PIGU: variants seen among roughly 807,000 people sequenced by gnomAD.
PIGU encodes GPI-anchor transamidase component PIGU.
A neutral mutation model predicts 49.9 loss-of-function variants in PIGU; 24 were observed. That is an observed-to-expected ratio of 0.48 (90% CI 0.35 to 0.68). PIGU has a LOEUF of 0.68. Ranked by LOEUF, PIGU falls within the 30% of genes least tolerant of loss-of-function variation. PIGU has a pLI of 0.01. For synonymous variants in PIGU, 220 were observed against 205.7 expected (o/e 1.07, Z -0.59); for missense variants, 490 against 532.6 (o/e 0.92, Z 0.79).
intron 7 of PIGU, among the ~76,000 whole-genome samples, chr20:34,602,782 TCG>T (rs758466714): frequency 4.6e-5 from 7 of 152,108 alleles, no homozygotes; most frequent in Non-Finnish European, 1.0e-4. Flanking sequence ...ACTACCAAGG[TCG>T]AGAGAAAGAA....
At chr20:34,561,095 C>G (rs1199949001) in intron 11 of PIGU, 116 bp from the exon 12 acceptor site, 9 of 704,836 alleles carry the variant, frequency 1.3e-5, no homozygotes, top group Admixed American at 2.6e-5. Flanking sequence ...GGCTCTGGAT[C>G]ACAATCACTG....
At chr20:34,579,578 A>T (rs1030378808) in intron 10 of PIGU, among the ~76,000 whole-genome samples, 6 of 152,212 alleles carry the variant, frequency 3.9e-5, no homozygotes, top group Admixed American at 1.3e-4. Context: ...ATAATGATTC[A>T]CAGTTGTCAA....
At chr20:34,665,227 T>G (rs868004743) in intron 1 of PIGU, among the ~76,000 whole-genome samples, 1,004 of 99,146 alleles carry the variant, frequency 0.01, 29 homozygotes, top group African/African-American at 0.033. Flanking sequence ...TTTTTGAGAC[T>G]GAGTCTCGCT....
chr20:34,621,152 T>C (rs1317347165), intron 6 of PIGU, among the ~76,000 whole-genome samples: 1 of 152,156 alleles, frequency 6.6e-6, no homozygotes, highest in Non-Finnish European at 1.5e-5. Flanking sequence ...ATCTTAACTT[T>C]GGCTCTCCAG....
intron 7 of PIGU, among the ~76,000 whole-genome samples, chr20:34,607,535 C>G (rs1984662151): frequency 6.6e-6 from 1 of 152,180 alleles, no homozygotes; most frequent in African/African-American, 2.4e-5. Context: ...GCTCTCCATC[C>G]CATTGACAGC....
At chr20:34,577,973 G>C (rs1983307639) in intron 10 of PIGU, among the ~76,000 whole-genome samples, 1 of 152,158 alleles carries the variant, frequency 6.6e-6, no homozygotes, top group Non-Finnish European at 1.5e-5. Flanking sequence ...TTGTAAAGCT[G>C]AATGTTTTCA....
At chr20:34,619,893 G>C (rs918059564) in intron 6 of PIGU, among the ~76,000 whole-genome samples, 4 of 152,156 alleles carry the variant, frequency 2.6e-5, no homozygotes, top group African/African-American at 9.7e-5. Context: ...CATCTAGCCA[G>C]ATACCCTGGC....
intron 11 of PIGU, among the ~76,000 whole-genome samples, chr20:34,566,795 C>A (rs1488005494): frequency 6.6e-6 from 1 of 152,182 alleles, no homozygotes; most frequent in Non-Finnish European, 1.5e-5. Context: ...AGGGTCTGCA[C>A]CCACATGAAC....
At chr20:34,599,468 A>T (rs1385373298) in intron 7 of PIGU, among the ~76,000 whole-genome samples, 1 of 152,044 alleles carries the variant, frequency 6.6e-6, no homozygotes, top group Non-Finnish European at 1.5e-5. Flanking sequence ...AAAAAAATCC[A>T]AGCTGTTTCT....
At chr20:34,584,493 C>CA (rs1983613710) in intron 9 of PIGU, among the ~76,000 whole-genome samples, 1 of 148,800 alleles carries the variant, frequency 6.7e-6, no homozygotes, top group Non-Finnish European at 1.5e-5. Flanking sequence ...CTCCCCTCCA[C>CA]AACTCCTGTT....
In PIGU at chr20:34,616,125, T is replaced by A; in HGVS notation, c.544A>T (p.Ser182Cys). 6.2e-7 allele frequency: 1 copy of A among 1,612,610 alleles called. No individual in the cohort carries two copies. Among genetic ancestry groups the A allele is most frequent in the Non-Finnish European group, 8.5e-7 (1 of 1,179,434 alleles). ...LTTIKGSAFL[S>C]AIFLALATYQ... Reference sequence around the variant, plus strand: ...GTCGCTAAGGCAAGAAAAATAGCACTGAGGAAAGCACTGCCTGTAAAAAGA... The same window carrying A: ...GTCGCTAAGGCAAGAAAAATAGCACAGAGGAAAGCACTGCCTGTAAAAAGA... The change falls in exon 7 of 12, where the codon AGT becomes TGT. Residue 182 changes from serine (S) to cysteine (C), a missense_variant. Coordinates refer to ENST00000217446, the MANE Select transcript of PIGU (RefSeq NM_080476.5).
intron 7 of PIGU, among the ~76,000 whole-genome samples, chr20:34,596,438 T>A (rs1337085780): frequency 6.6e-6 from 1 of 152,200 alleles, no homozygotes; most frequent in African/African-American, 2.4e-5. Flanking sequence ...TAATGCTGCA[T>A]AAATATCAAT....
intron 11 of PIGU, among the ~76,000 whole-genome samples, chr20:34,569,824 CTTCTTGGTGCTGGGGAT>C: frequency 6.6e-6 from 1 of 152,296 alleles, no homozygotes; most frequent in South Asian, 2.1e-4. Context: ...ACTGAATATT[CTTCTTGGTGCTGGGGAT>C]ACAGCCATGA....
Position 34,608,293 on chromosome 20 carries a change from G to A in PIGU, c.627+7749C>T, listed in dbSNP as rs117799856. ...TTCACCATGTTGTCCAGGCTGGTCT[G>A]GAACTACTGACTTCAAGTGATCCAC... On this transcript the variant is annotated intron_variant, in intron 7 of 11. Transcript: ENST00000217446. Among the ~76,000 whole-genome samples the A allele has an allele frequency of 1.8e-4, 27 of 151,734 alleles. No homozygotes were observed. The East Asian group carries it at 4.7e-3, about 26-fold the overall frequency.
At chr20:34,582,451 A>G (rs567033309) in intron 9 of PIGU, among the ~76,000 whole-genome samples, 1 of 152,228 alleles carries the variant, frequency 6.6e-6, no homozygotes, top group African/African-American at 2.4e-5. Context: ...AGGCTGAGGC[A>G]GGAGGATGGC....
At chr20:34,606,994 C>T (rs6142202) in intron 7 of PIGU, among the ~76,000 whole-genome samples, 56,010 of 152,046 alleles carry the variant, frequency 0.37, 10,677 homozygotes, top group Admixed American at 0.54. Flanking sequence ...CAACTGACCT[C>T]GTGATCCACC....
In PIGU at chr20:34,597,684, T is replaced by C. The variant is rs180714194; in HGVS notation, c.628-9077A>G. Among the ~76,000 whole-genome samples, 55 of 152,306 alleles carry C rather than the reference T, an allele frequency of 3.6e-4. 1 individual carries two copies. The highest frequency in any genetic ancestry group is 1.9e-3 in the Admixed American group (29 of 15,290). ...ATGACATCTGCAATTTACTTCAAAA[T>C]GTATGAAAAATAAGACTGACTGATG... On this transcript the variant is annotated intron_variant, in intron 7 of 11. Coordinates refer to ENST00000217446, the MANE Select transcript of PIGU (RefSeq NM_080476.5).
At position 34,588,469 on chromosome 20, in the gene PIGU, C is replaced by T. The variant is rs528424644; in HGVS notation, c.766G>A (p.Ala256Thr). The change falls in exon 8 of 12, where the codon GCA becomes ACA. Residue 256 changes from alanine to threonine, a missense_variant. By Grantham distance (58) the Ala-to-Thr change is moderately conservative. Coordinates refer to ENST00000217446, the MANE Select transcript of PIGU (RefSeq NM_080476.5). ...FLLSSWDFIP[A>T]VYGFILSVPD... ...ATTACTTACATAAAGCCATAGACTG[C>T]GGGGATGAAATCCCAAGAGCTGAGA... 18 of 1,613,566 alleles carry T rather than the reference C, an allele frequency of 1.1e-5. No homozygotes were observed. Among genetic ancestry groups the T allele is most frequent in the Admixed American group, 8.3e-5 (5 of 59,962 alleles).
Position 34,585,445 on chromosome 20 carries a change from T to A in PIGU, c.918A>T (p.Ile306=). 6.2e-7 allele frequency: 1 copy of A among 1,614,158 alleles called. No individual in the cohort carries two copies. ...CAGGTCCAGCCACTTACTTTAGCTT[T>A]ATGGCTAAGGGGATGGTGTAGAAGA... ...NVFFYTIPLA[I]KLKEHPIFFM... is the part of the protein sequence containing the mutation. Residue 306 remains isoleucine (I), a synonymous_variant, in exon 9 of 12, where the codon ATA becomes ATT. Coordinates refer to ENST00000217446, the MANE Select transcript of PIGU (RefSeq NM_080476.5).
Sources: gnomAD v4.1 joint callset for allele counts (sites outside exome capture counted in the v4.1 genomes callset) on GRCh38, gnomAD v4.1.1 for gene constraint, MANE v1.5 for transcripts, NCBI Gene and HGNC (gene_info 2026-07-23, HGNC 2026-07-21) for gene names.